Variants in GAS2 observed in about 807,000 individuals in gnomAD.
The protein encoded by GAS2 is growth arrest-specific protein 2.
In GAS2, 20 loss-of-function variants were observed where a neutral mutation model predicts 37.5. That is an observed-to-expected ratio of 0.53 (90% confidence interval 0.37 to 0.77). GAS2 has a LOEUF of 0.77. Among genes scored for constraint, GAS2 ranks in the 30% least tolerant of loss-of-function variants. The pLI is 0.00. For synonymous variants in GAS2, 144 were observed against 132.2 expected (o/e 1.09, Z -0.61); for missense variants, 336 against 373.4 (o/e 0.90, Z 0.82).
intron 2 of GAS2, among the ~76,000 whole-genome samples, chr11:22,679,259 T>C (rs1021869392): frequency 2.6e-5 from 4 of 152,122 alleles, no homozygotes; most frequent in African/African-American, 9.6e-5. Flanking sequence ...GATCTTATCG[T>C]CTTTCTTTAC....
At chr11:22,750,967 G>A (rs558083371) in intron 6 of GAS2, among the ~76,000 whole-genome samples, 9 of 151,806 alleles carry the variant, frequency 5.9e-5, no homozygotes, top group Admixed American at 5.3e-4. Context: ...TTTTTAGTCC[G>A]GAAATTATGA....
At chr11:22,798,919 G>A (rs972256269) in intron 7 of GAS2, among the ~76,000 whole-genome samples, 2 of 152,072 alleles carry the variant, frequency 1.3e-5, no homozygotes, top group Non-Finnish European at 2.9e-5. Context: ...TGCCATTTCA[G>A]AATAATATTA....
chr11:22,646,514 G>T (rs1207365544), intron 1 of GAS2, among the ~76,000 whole-genome samples: 1 of 152,056 alleles, frequency 6.6e-6, no homozygotes, highest in African/African-American at 2.4e-5. Flanking sequence ...ATCTCATTTG[G>T]TATATAATCA....
chr11:22,727,765 CG>C (rs1332803169), intron 4 of GAS2, among the ~76,000 whole-genome samples: 2 of 151,888 alleles, frequency 1.3e-5, no homozygotes, highest in African/African-American at 4.8e-5. Context: ...AAGATGTGTG[CG>C]TACATAGATA....
chr11:22,657,350 C>T (rs1177786550), intron 1 of GAS2, among the ~76,000 whole-genome samples: 3 of 152,082 alleles, frequency 2.0e-5, no homozygotes, highest in African/African-American at 7.2e-5. Context: ...CTGGTTTTCT[C>T]CTCCCTGTGG....
intron 1 of GAS2, among the ~76,000 whole-genome samples, chr11:22,669,313 T>C (rs2127497): frequency 0.63 from 95,485 of 152,018 alleles, 33,607 homozygotes; most frequent in Non-Finnish European, 0.77. Flanking sequence ...TTTAATTATG[T>C]TCCAAGCTAA....
Position 22,653,282 on chromosome 11 carries a change from A to G in GAS2, c.-20-21568A>G, listed in dbSNP as rs561613555. 2.6e-5 allele frequency among the ~76,000 whole-genome samples: 4 copies of G among 152,240 alleles called. No individual in the cohort carries two copies. The South Asian group carries it at 8.3e-4, about 32-fold the overall frequency. On this transcript the variant is annotated intron_variant, in intron 1 of 5. Coordinates refer to the GAS2 transcript ENST00000528582. ...GAAAAAAAGAGAGCTGTTATCATTT[A>G]GTGTATAGGAAGAATTTAAACAAGA... is the stretch of plus-strand genomic sequence containing the variant.
intron 7 of GAS2, among the ~76,000 whole-genome samples, chr11:22,763,402 A>G (rs751311627): frequency 6.6e-6 from 1 of 152,094 alleles, no homozygotes; most frequent in Non-Finnish European, 1.5e-5. Context: ...TTTTGCTCTT[A>G]TGGCACATAC....
rs544986126 is a variant in GAS2 at position 22,766,107 on chromosome 11, C to CCCA, written c.723+10157_723+10159dup. Among the ~76,000 whole-genome samples, 185 of 152,344 alleles carry CCCA rather than the reference C, an allele frequency of 1.2e-3. 1 individual carries two copies. Among genetic ancestry groups the CCCA allele is most frequent in the African/African-American group, 4.1e-3 (170 of 41,572 alleles). Reference sequence around the variant, plus strand: ...ATCATCCAAACACCTCCCACCATGCCCCACCTTCAACATTGCGGATTACAT... The same window carrying CCCA: ...ATCATCCAAACACCTCCCACCATGCCCCACCACCTTCAACATTGCGGATTACAT... On this transcript the variant is annotated intron_variant, in intron 7 of 7. Transcript: ENST00000454584.
chr11:22,674,929 G>A lies in GAS2; in HGVS notation c.60G>A (p.Gln20=). ...RSGPGLSDMH[Q]YSQWLASRHE... is the part of the protein sequence containing the mutation. ...GACCTGGCCTCTCTGATATGCATCA[G>A]TATAGCCAATGGCTAGCCAGCAGAC... is the stretch of plus-strand genomic sequence containing the variant. Residue 20 remains glutamine, a synonymous_variant, in exon 2 of 8, where the codon CAG becomes CAA. Coordinates refer to ENST00000454584, the MANE Select transcript of GAS2 (RefSeq NM_001143830.3). The A allele has an allele frequency of 6.2e-7, 1 of 1,613,876 alleles. No homozygotes were observed. Among genetic ancestry groups the A allele is most frequent in the Non-Finnish European group, 8.5e-7 (1 of 1,179,844 alleles).
chr11:22,642,176 A>C (rs1180389937), intron 1 of GAS2, among the ~76,000 whole-genome samples: 1 of 152,164 alleles, frequency 6.6e-6, no homozygotes, highest in Non-Finnish European at 1.5e-5. Flanking sequence ...GGAACAACTG[A>C]ATACAGATAG....
intron 7 of GAS2, among the ~76,000 whole-genome samples, chr11:22,806,528 C>T (rs1358276128): frequency 1.3e-5 from 2 of 152,116 alleles, no homozygotes; most frequent in Non-Finnish European, 2.9e-5. Flanking sequence ...AATCTTTATG[C>T]TGTTTTCCAT....
At chr11:22,717,550 T>G (rs1456871416) in intron 3 of GAS2, among the ~76,000 whole-genome samples, 1 of 152,136 alleles carries the variant, frequency 6.6e-6, no homozygotes, top group Non-Finnish European at 1.5e-5. Flanking sequence ...GGAAAAACTC[T>G]TCTAGACATT....
chr11:22,712,089 A>C (rs570482609), intron 3 of GAS2, among the ~76,000 whole-genome samples: 1 of 152,300 alleles, frequency 6.6e-6, no homozygotes, highest in South Asian at 2.1e-4. Flanking sequence ...CTGGAGGCCA[A>C]CCAACTCAAG....
intron 7 of GAS2, among the ~76,000 whole-genome samples, chr11:22,767,302 C>T (rs1463148901): frequency 6.6e-6 from 1 of 151,882 alleles, no homozygotes; most frequent in African/African-American, 2.4e-5. Context: ...AAATTTATAT[C>T]TAAATTTTAT....
Position 22,724,528 on chromosome 11 carries a change from C to T in GAS2, c.268-1764C>T, listed in dbSNP as rs1852102552. Among the ~76,000 whole-genome samples the T allele has an allele frequency of 2.0e-5, 3 of 151,942 alleles. No homozygotes were observed. The South Asian group carries it at 6.2e-4, about 32-fold the overall frequency. On this transcript the variant is annotated intron_variant, in intron 3 of 7. Coordinates refer to ENST00000454584, the MANE Select transcript of GAS2 (RefSeq NM_001143830.3). ...ACTAATTAATGTTTATAATACTTTA[C>T]AAGGGAAACATTATACTACACTATT...
At chr11:22,686,349 G>A (rs1157632303) in intron 3 of GAS2, among the ~76,000 whole-genome samples, 2 of 151,870 alleles carry the variant, frequency 1.3e-5, no homozygotes, top group East Asian at 3.8e-4. Flanking sequence ...TATAGTGTTT[G>A]ACTTTTTTTG....
chr11:22,695,211 T>A (rs1011564470), intron 3 of GAS2, among the ~76,000 whole-genome samples: 7 of 151,986 alleles, frequency 4.6e-5, no homozygotes, highest in African/African-American at 1.5e-4. Context: ...ATCCCAGCAC[T>A]TGGGAGGCTG....
intron 3 of GAS2, among the ~76,000 whole-genome samples, chr11:22,706,489 C>G (rs543436455): frequency 3.3e-5 from 5 of 152,100 alleles, no homozygotes; most frequent in Non-Finnish European, 7.4e-5. Flanking sequence ...CCCCGCTCCC[C>G]CCACCCCACA....
Sources: gnomAD v4.1 joint callset for allele counts (sites outside exome capture counted in the v4.1 genomes callset) on GRCh38, gnomAD v4.1.1 for gene constraint, MANE v1.5 for transcripts, NCBI Gene and HGNC (gene_info 2026-07-23, HGNC 2026-07-21) for gene names.